The following GAS2L1 variants were observed in gnomAD, a reference collection of about 807,000 sequenced individuals.
GAS2L1 encodes growth arrest specific 2 like 1, also known as GAS2-like protein 1.
GAS2L1 carries 26 observed loss-of-function variants against 44.0 expected under a neutral mutation model. The observed-to-expected ratio is 0.59, with a 90% CI of 0.43 to 0.82. The LOEUF (loss-of-function observed/expected upper bound fraction) is 0.82. Ranked by LOEUF, GAS2L1 falls within the 40% of genes least tolerant of loss-of-function variation. The probability of loss-of-function intolerance (pLI) is 0.00; values close to 1 mark genes in which losing one functional copy is unlikely to be tolerated. For missense variants in GAS2L1, 1,006 were observed against 983.0 expected (o/e 1.02, Z -0.31); for synonymous variants, 426 against 415.9 (o/e 1.02, Z -0.30).
exon 1 of GAS2L1, chr22:29,307,983 C>T (rs2061364991): frequency 2.8e-6 from 2 of 718,544 alleles, no homozygotes; most frequent in Non-Finnish European, 4.1e-6. Flanking sequence ...GTAAACCAGG[C>T]ATTTGGCCTG....
exon 1 of GAS2L1, chr22:29,307,308 A>T (rs971561815): frequency 4.6e-5 from 7 of 152,030 alleles, no homozygotes; most frequent in African/African-American, 1.7e-4. Context: ...CAGCACCGGC[A>T]GGGCCTGCGG....
chr22:29,307,325 C>T (rs1240770074), exon 1 of GAS2L1: 1 of 152,178 alleles, frequency 6.6e-6, no homozygotes, highest in Non-Finnish European at 1.5e-5. Context: ...GCGGAGGCCG[C>T]TCTGAGTCCT....
At chr22:29,309,077 T>G (rs955849547) in intron 1 of GAS2L1, among the ~76,000 whole-genome samples, 1 of 152,228 alleles carries the variant, frequency 6.6e-6, no homozygotes, top group African/African-American at 2.4e-5. Flanking sequence ...GCGCCTCCTC[T>G]GTGCCCTCCC....
intron 3 of GAS2L1, 24 bp from the exon 5 acceptor site, chr22:29,310,803 G>T: frequency 6.2e-7 from 1 of 1,607,282 alleles, no homozygotes. Flanking sequence ...TCCCTCACAT[G>T]CTGCCTGTCC....
Position 29,312,603 on chromosome 22 carries a change from A to C in GAS2L1, c.*106A>C, listed in dbSNP as rs1312844615. ...CTCTGCCTCTTGAGTACCAGACCTC[A>C]TGGGACCAGACCCCTTGGGACCACA... On this transcript the variant is annotated 3_prime_UTR_variant, in exon 5 of 5. Transcript: ENST00000618518. 4.0e-5 allele frequency: 31 copies of C among 779,644 alleles called. No individual in the cohort carries two copies. The East Asian group carries it at 7.8e-4, about 20-fold the overall frequency. 48.3% of individuals were successfully genotyped at this position (779,644 alleles called of 1,614,324 possible). A position where few individuals can be genotyped will look rare whatever the true frequency, so the allele number is the denominator to read the frequency against.
At chr22:29,312,466 C>T (rs1372899334) in exon 5 of GAS2L1, 7 of 1,513,876 alleles carry the variant, frequency 4.6e-6, no homozygotes, top group Non-Finnish European at 6.2e-6. Context: ...CACTCAGTCA[C>T]CCCGAGGGCT....
intron 1 of GAS2L1, 132 bp downstream of exon 2, chr22:29,308,870 G>A (rs1340402461): frequency 4.4e-6 from 3 of 689,372 alleles, no homozygotes; most frequent in Non-Finnish European, 6.5e-6. Flanking sequence ...CACATGTTGA[G>A]CACCAAACCG....
intron 1 of GAS2L1, among the ~76,000 whole-genome samples, chr22:29,309,505 C>T (rs1204149616): frequency 6.6e-6 from 1 of 152,234 alleles, no homozygotes; most frequent in East Asian, 1.9e-4. Context: ...TGGGGCCCCA[C>T]CCCCTGTCCT....
At chr22:29,311,880 G>A (rs1425188324) in exon 5 of GAS2L1, 2 of 1,598,438 alleles carry the variant, frequency 1.3e-6, no homozygotes, top group African/African-American at 1.3e-5. Flanking sequence ...GACTCCCCGT[G>A]CCCGCAGCCC....
chr22:29,307,982 G>T (rs2061364976), exon 1 of GAS2L1: 3 of 704,020 alleles, frequency 4.3e-6, no homozygotes, highest in Non-Finnish European at 6.3e-6. Flanking sequence ...TGTAAACCAG[G>T]CATTTGGCCT....
At position 29,308,220 on chromosome 22, in the gene GAS2L1, G is replaced by T. The variant is rs559367893; in HGVS notation, c.115G>T (p.Ala39Ser). 2.5e-6 allele frequency: 4 copies of T among 1,609,008 alleles called. No homozygotes were observed. The East Asian group carries it at 8.9e-5, about 36-fold the overall frequency. ...GGAGGACCTGGCCGAGTGGCTCAAT[G>T]CCTTGTACGGCCTGGGTCTCCCGGG... The change falls in exon 1 of 5, where the codon GCC (alanine) becomes TCC (serine). Residue 39 changes from alanine (A) to serine (S), a missense_variant. Transcript: ENST00000618518.
exon 5 of GAS2L1, chr22:29,311,479 C>G (rs1219177691): frequency 2.1e-6 from 3 of 1,434,372 alleles, no homozygotes; most frequent in East Asian, 2.5e-5. Context: ...GATCAGCTGC[C>G]CCCCCATCCC....
At position 29,309,022 on chromosome 22, in the gene GAS2L1, A is replaced by C. The variant is rs2301292; in HGVS notation, c.633+284A>C. Among the ~76,000 whole-genome samples, 277 of 152,330 alleles carry C rather than the reference A, an allele frequency of 1.8e-3. 6 individuals carry two copies. The East Asian group carries it at 0.048, about 26-fold the overall frequency. Reference sequence around the variant, plus strand: ...TCACTTTGTGTGCTAACTGTGCCTCAACTGAGCTTGTGCATTCCTTCTTCT... The same window carrying C: ...TCACTTTGTGTGCTAACTGTGCCTCCACTGAGCTTGTGCATTCCTTCTTCT... On this transcript the variant is annotated intron_variant, in intron 1 of 4. Coordinates refer to ENST00000618518, the Ensembl canonical transcript of GAS2L1.
Position 29,310,273 on chromosome 22 carries a change from A to T in GAS2L1, c.634-166A>T, listed in dbSNP as rs1184248895. The T allele has an allele frequency of 9.8e-4, 404 of 411,800 alleles. 1 individual carries two copies. The highest frequency in any genetic ancestry group is 7.7e-3 in the African/African-American group (369 of 48,104). 25.5% of individuals were successfully genotyped at this position (411,800 alleles called of 1,614,324 possible). A position where few individuals can be genotyped will look rare whatever the true frequency, so the allele number is the denominator to read the frequency against. On this transcript the variant is annotated intron_variant, in intron 1 of 4. Coordinates refer to ENST00000618518, the Ensembl canonical transcript of GAS2L1. ...AAAAAAAAAATAAAAAAAAATAAAA[A>T]AAATAAAAGAAAGGTCACGTGTGGA...
chr22:29,311,181 C>T (rs1026264695), intron 4 of GAS2L1, 183 bp downstream of exon 5: 1 of 621,806 alleles, frequency 1.6e-6, no homozygotes. Flanking sequence ...ACAGCTGGGG[C>T]GGGCCCTGTG....
intron 2 of GAS2L1, 26 bp from the exon 4 acceptor site, chr22:29,310,612 C>G: frequency 6.3e-7 from 1 of 1,597,914 alleles, no homozygotes; most frequent in Non-Finnish European, 8.6e-7. Context: ...GCCCGGGGCA[C>G]AGCCGTGACC....
chr22:29,307,260 C>T (rs1369893365), exon 1 of GAS2L1: 1 of 152,222 alleles, frequency 6.6e-6, no homozygotes, highest in Non-Finnish European at 1.5e-5. Flanking sequence ...GGCTGTGTGA[C>T]CTTGGGCGGC....
chr22:29,311,085 G>C (rs1453895905), intron 4 of GAS2L1, 87 bp downstream of exon 5: 1 of 1,311,264 alleles, frequency 7.6e-7, no homozygotes, highest in Non-Finnish European at 1.0e-6. Flanking sequence ...CTGTGCGCCA[G>C]AGTGACTCAC....
chr22:29,311,964 A>T, exon 5 of GAS2L1: 2 of 1,608,652 alleles, frequency 1.2e-6, no homozygotes, highest in Non-Finnish European at 1.7e-6. Flanking sequence ...CATCTTCCGC[A>T]CACCCCTGCA....
Sources: allele counts gnomAD v4.1 joint callset (sites outside exome capture counted in the v4.1 genomes callset), GRCh38; gene constraint gnomAD v4.1.1; transcripts MANE v1.5; gene names NCBI Gene and HGNC (gene_info 2026-07-23, HGNC 2026-07-21).